MMP16: variants seen among roughly 807,000 people sequenced by gnomAD.
The protein encoded by MMP16 is matrix metalloproteinase-16.
In MMP16, 12 loss-of-function variants were observed where a neutral mutation model predicts 67.8. That is an observed-to-expected ratio of 0.18 (90% confidence interval 0.11 to 0.29). The LOEUF is 0.29. Among genes scored for constraint, MMP16 ranks in the 10% least tolerant of loss-of-function variants. The probability of loss-of-function intolerance (pLI) is 1.00; values close to 1 mark genes in which losing one functional copy is unlikely to be tolerated. For missense variants in MMP16, 475 were observed against 765.7 expected, an observed-to-expected ratio of 0.62 and a Z score of 4.48; for synonymous variants, 249 against 255.9, an observed-to-expected ratio of 0.97 and a Z score of 0.26.
intron 4 of MMP16, among the ~76,000 whole-genome samples, chr8:88,165,973 C>T (rs1808704422): frequency 6.6e-6 from 1 of 151,990 alleles, no homozygotes. Context: ...CTATTAATAA[C>T]CATTTGAAAA....
At chr8:88,044,264 A>G (rs919494532) in intron 9 of MMP16, among the ~76,000 whole-genome samples, 2 of 152,156 alleles carry the variant, frequency 1.3e-5, no homozygotes, top group Non-Finnish European at 2.9e-5. Context: ...TGGGCATCAT[A>G]CAGGAGTTAT....
At chr8:88,071,027 C>A (rs1475930138) in intron 7 of MMP16, among the ~76,000 whole-genome samples, 2 of 152,006 alleles carry the variant, frequency 1.3e-5, no homozygotes, top group African/African-American at 2.4e-5. Context: ...ATTGGACACA[C>A]ATATAAAGGA....
chr8:88,229,339 C>T (rs959895600), intron 1 of MMP16, among the ~76,000 whole-genome samples: 1 of 152,034 alleles, frequency 6.6e-6, no homozygotes, highest in African/African-American at 2.4e-5. Flanking sequence ...AATGACAACA[C>T]ATATGCTAGG....
At chr8:88,198,719 A>C (rs900738932) in intron 1 of MMP16, among the ~76,000 whole-genome samples, 6 of 151,934 alleles carry the variant, frequency 3.9e-5, no homozygotes, top group Admixed American at 6.6e-5. Context: ...TAAAAAAAAA[A>C]CCCAAAATTT....
intron 4 of MMP16, among the ~76,000 whole-genome samples, chr8:88,122,608 G>C (rs1358494999): frequency 6.6e-6 from 1 of 151,806 alleles, no homozygotes; most frequent in Non-Finnish European, 1.5e-5. Flanking sequence ...CATGTGATTA[G>C]TAGAAATTTC....
chr8:88,246,838 T>G (rs543587007), intron 1 of MMP16, among the ~76,000 whole-genome samples: 2 of 152,172 alleles, frequency 1.3e-5, no homozygotes, highest in Non-Finnish European at 2.9e-5. Flanking sequence ...CCAGAGATAG[T>G]TCTAAAATAA....
intron 1 of MMP16, among the ~76,000 whole-genome samples, chr8:88,304,289 G>A (rs145855834): frequency 1.3e-5 from 2 of 152,076 alleles, no homozygotes; most frequent in Non-Finnish European, 2.9e-5. Context: ...GAGAAATATA[G>A]GATTATGTAA....
intron 9 of MMP16, among the ~76,000 whole-genome samples, chr8:88,045,733 C>T (rs976649970): frequency 6.6e-6 from 1 of 152,094 alleles, no homozygotes. Context: ...TTTCCCCTGA[C>T]TCTTTCATTA....
chr8:88,080,095 A>G (rs1423349915), intron 6 of MMP16, among the ~76,000 whole-genome samples: 2 of 151,728 alleles, frequency 1.3e-5, no homozygotes, highest in African/African-American at 2.4e-5. Flanking sequence ...TCTTCCACCT[A>G]CTCCACTGTA....
At chr8:88,125,025 ATTGGAGGG>A (rs1208471042) in intron 4 of MMP16, among the ~76,000 whole-genome samples, 1 of 151,882 alleles carries the variant, frequency 6.6e-6, no homozygotes. Context: ...ATACTATCAG[ATTGGAGGG>A]TTAAAGCTTC....
chr8:88,057,704 G>T (rs1245379364), intron 7 of MMP16, among the ~76,000 whole-genome samples: 2 of 152,110 alleles, frequency 1.3e-5, no homozygotes, highest in Non-Finnish European at 2.9e-5. Flanking sequence ...GCTAAATTTA[G>T]TTAGGAGTTT....
rs749473846 is a variant in MMP16, at chr8:88,041,505, G to A, written c.1780C>T (p.Arg594Cys). ...GAGCGTTTACAGTACAGTATGTGGC[G>A]GGGTGTTCCTTTCCTCTTGAACTGG... ...VFQFKRKGTP[R>C]HILYCKRSMQ... The change falls in exon 10 of 10, where the codon CGC becomes TGC. Residue 594 changes from arginine (R) to cysteine (C), a missense_variant. By Grantham distance (180) the Arg-to-Cys change is radical. Coordinates refer to ENST00000286614, the MANE Select transcript of MMP16 (RefSeq NM_005941.5). The surrounding 1 kb of genome is among the most constrained non-coding windows in gnomAD (Gnocchi z 6.0). 6 of 1,612,536 alleles carry A rather than the reference G, an allele frequency of 3.7e-6. No homozygotes were observed. The highest frequency in any genetic ancestry group is 3.3e-5 in the Admixed American group (2 of 59,832).
intron 4 of MMP16, among the ~76,000 whole-genome samples, chr8:88,119,183 C>T (rs2118437163): frequency 6.6e-6 from 1 of 152,118 alleles, no homozygotes; most frequent in East Asian, 2.0e-4. Context: ...AATTATGAAA[C>T]ACATAACGTG....
Position 88,116,547 on chromosome 8 carries a change from T to C in MMP16, c.1043A>G (p.Asn348Ser), listed in dbSNP as rs1249283490. The C allele has an allele frequency of 1.9e-6, 3 of 1,613,422 alleles. No individual in the cohort carries two copies. The highest frequency in any genetic ancestry group is 2.2e-5 in the East Asian group (1 of 44,792). The change falls in exon 6 of 10, where the codon AAC becomes AGC. Residue 348 changes from asparagine (N) to serine (S), a missense_variant. Coordinates refer to ENST00000286614, the MANE Select transcript of MMP16 (RefSeq NM_005941.5). The stretch of plus-strand genomic sequence containing the variant: ...CTCACGACGAAGAATAGCTAGAGTG[T>C]TAAAGTTCCCATCACAGATGTTGGG... ...AKPNICDGNF[N>S]TLAILRREMF...
At chr8:88,321,449 A>G (rs904637126) in intron 1 of MMP16, among the ~76,000 whole-genome samples, 1 of 152,144 alleles carries the variant, frequency 6.6e-6, no homozygotes, top group Admixed American at 6.5e-5. Flanking sequence ...TTTTAAATTA[A>G]TTTTTAAGGT....
chr8:88,286,428 A>G (rs961241146), intron 1 of MMP16, among the ~76,000 whole-genome samples: 1 of 152,102 alleles, frequency 6.6e-6, no homozygotes, highest in African/African-American at 2.4e-5. Flanking sequence ...TAAGTATTAA[A>G]AATTGTTTTT....
rs909736246 is a variant in MMP16, at chr8:88,038,661, G to T, written c.*2800C>A. On this transcript the variant is annotated 3_prime_UTR_variant, in exon 10 of 10. Coordinates refer to ENST00000286614, the MANE Select transcript of MMP16 (RefSeq NM_005941.5). The surrounding 1 kb of genome is among the most constrained non-coding windows in gnomAD (Gnocchi z 4.1). ...TTTCTTGACATCAAGGCCCTAAAAG[G>T]ATTAAACCCTCCCACAAGCAAACAC... is the stretch of plus-strand genomic sequence containing the variant. The T allele has an allele frequency of 6.6e-6, 1 of 152,464 alleles. No homozygotes were observed. Among genetic ancestry groups the T allele is most frequent in the Non-Finnish European group, 1.5e-5 (1 of 67,980 alleles). The allele number at this position is 152,464 out of a possible 1,614,324, so 9.4% of individuals were successfully genotyped here. A position where few individuals can be genotyped will look rare whatever the true frequency, so the allele number is the denominator to read the frequency against.
chr8:88,285,592 A>G (rs1810817604), intron 1 of MMP16, among the ~76,000 whole-genome samples: 1 of 152,212 alleles, frequency 6.6e-6, no homozygotes, highest in Non-Finnish European at 1.5e-5. Context: ...CCCTTGAATC[A>G]TGTTAGATAC....
In MMP16 at chr8:88,212,301, A is replaced by G. The variant is rs138169221; in HGVS notation, c.133-14995T>C. On this transcript the variant is annotated intron_variant, in intron 1 of 9. Coordinates refer to ENST00000286614, the MANE Select transcript of MMP16 (RefSeq NM_005941.5). Reference sequence around the variant, plus strand: ...TTGAACAAAGTAAATGGTATTTGCTAAGTTTCAAATTATACATGTACAAAA... The same window carrying G: ...TTGAACAAAGTAAATGGTATTTGCTGAGTTTCAAATTATACATGTACAAAA... Among the ~76,000 whole-genome samples, 644 of 152,264 alleles carry G rather than the reference A, an allele frequency of 4.2e-3. 16 individuals carry two copies. The highest frequency in any genetic ancestry group is 0.032 in the East Asian group (165 of 5,172).
Sources: gnomAD v4.1 joint callset for allele counts (sites outside exome capture counted in the v4.1 genomes callset) on GRCh38, gnomAD v4.1.1 for gene constraint, Gnocchi (gnomAD v3.1) non-coding constraint, MANE v1.5 for transcripts, NCBI Gene and HGNC (gene_info 2026-07-23, HGNC 2026-07-21) for gene names.